FOXP1: variants seen among roughly 807,000 people sequenced by gnomAD.
FOXP1 encodes the protein forkhead box P1.
Under a neutral mutation model 98.2 loss-of-function variants are expected in FOXP1, and 15 were observed. The observed-to-expected ratio is 0.15, with a 90% CI of 0.10 to 0.24. The LOEUF (loss-of-function observed/expected upper bound fraction) is 0.24. Among genes scored for constraint, FOXP1 ranks in the 10% least tolerant of loss-of-function variants. The pLI is 1.00. For missense variants in FOXP1, 633 were observed against 848.5 expected (o/e 0.75, Z 3.15); for synonymous variants, 371 against 314.5 (o/e 1.18, Z -1.90).
intron 2 of FOXP1, among the ~76,000 whole-genome samples, chr3:71,566,949 C>T (rs1218033488): frequency 6.6e-6 from 1 of 152,122 alleles, no homozygotes; most frequent in Non-Finnish European, 1.5e-5. Context: ...GAATCAGTCT[C>T]TCCCTCACCT....
intron 7 of FOXP1, among the ~76,000 whole-genome samples, chr3:71,062,628 T>C (rs2051691605): frequency 6.6e-6 from 1 of 152,190 alleles, no homozygotes; most frequent in African/African-American, 2.4e-5. Flanking sequence ...AAATGTTTAA[T>C]AACACAACAC....
At chr3:71,044,260 C>A (rs565962694) in intron 10 of FOXP1, among the ~76,000 whole-genome samples, 1 of 152,062 alleles carries the variant, frequency 6.6e-6, no homozygotes, top group East Asian at 1.9e-4. Context: ...AATAATAGTA[C>A]GAAGTTAAAC....
intron 11 of FOXP1, among the ~76,000 whole-genome samples, chr3:71,033,682 G>A (rs1336634602): frequency 6.6e-6 from 1 of 150,996 alleles, no homozygotes; most frequent in Non-Finnish European, 1.5e-5. Flanking sequence ...TTTTCTCCCG[G>A]TGCCCTCCCT....
intron 7 of FOXP1, among the ~76,000 whole-genome samples, chr3:71,103,403 T>C (rs746649862): frequency 4.5e-4 from 68 of 152,250 alleles, no homozygotes; most frequent in Non-Finnish European, 8.2e-4. Flanking sequence ...CTTGTGATTT[T>C]AGAAGTGTAT....
chr3:71,348,635 TAA>T (rs781539312), intron 4 of FOXP1, among the ~76,000 whole-genome samples: 19 of 151,732 alleles, frequency 1.3e-4, no homozygotes, highest in Non-Finnish European at 2.4e-4. Flanking sequence ...CATGTGTGTA[TAA>T]GTCACACATG....
chr3:71,213,489 C>T (rs1210566001), intron 5 of FOXP1, among the ~76,000 whole-genome samples: 1 of 152,108 alleles, frequency 6.6e-6, no homozygotes, highest in Non-Finnish European at 1.5e-5. Context: ...TTTTAAGGCA[C>T]CCCTTCAATT....
At chr3:71,240,825 G>A (rs527605790) in intron 5 of FOXP1, among the ~76,000 whole-genome samples, 3 of 151,876 alleles carry the variant, frequency 2.0e-5, no homozygotes, top group South Asian at 2.1e-4. Context: ...GATTACAGGC[G>A]TGAGCCACAG....
intron 4 of FOXP1, among the ~76,000 whole-genome samples, chr3:71,356,329 C>A (rs1403483286): frequency 6.6e-6 from 1 of 151,486 alleles, no homozygotes; most frequent in Non-Finnish European, 1.5e-5. Flanking sequence ...CAGCTGTATA[C>A]ATAGCTGCAC....
At chr3:71,573,918 A>G (rs1476343746) in intron 2 of FOXP1, 2 of 152,238 alleles carry the variant, frequency 1.3e-5, no homozygotes, top group Non-Finnish European at 2.9e-5. Context: ...TCTTAATGAA[A>G]TGATTAACAT....
intron 19 of FOXP1, among the ~76,000 whole-genome samples, chr3:70,967,641 TTTTG>T (rs2035109630): frequency 1.3e-5 from 2 of 149,602 alleles, no homozygotes; most frequent in African/African-American, 2.5e-5. Context: ...CTTTCTTTCT[TTTTG>T]TTTTTTTTTT....
At chr3:71,401,326 C>G (rs535074799) in intron 3 of FOXP1, among the ~76,000 whole-genome samples, 3 of 152,080 alleles carry the variant, frequency 2.0e-5, no homozygotes, top group Non-Finnish European at 2.9e-5. Context: ...CTCTGGATGA[C>G]GGATCAAGAG....
chr3:71,100,163 T>C (rs980161273), intron 7 of FOXP1, among the ~76,000 whole-genome samples: 17 of 152,118 alleles, frequency 1.1e-4, no homozygotes, highest in African/African-American at 4.1e-4. Flanking sequence ...ACATACCTAA[T>C]CAATCGTGGC....
intron 2 of FOXP1, among the ~76,000 whole-genome samples, chr3:71,566,732 C>G (rs546429600): frequency 6.6e-6 from 1 of 152,296 alleles, no homozygotes; most frequent in South Asian, 2.1e-4. Context: ...AAAAAAAGCA[C>G]TGTGCCCTCC....
At chr3:71,063,420 C>T (rs2051822793) in intron 7 of FOXP1, among the ~76,000 whole-genome samples, 1 of 152,198 alleles carries the variant, frequency 6.6e-6, no homozygotes. Flanking sequence ...GATCATGTTC[C>T]AGCTCTTTGG....
At position 70,955,147 on chromosome 3, in the gene FOXP1, C is replaced by T. The variant is rs1306318408; in HGVS notation, c.*4100G>A. ...AAGATTCAAAATCTGAATAAGCACA[C>T]TCTTCTTTGTGCCTTTGGAAACGGA... On this transcript the variant is annotated 3_prime_UTR_variant, in exon 21 of 21. Coordinates refer to ENST00000649528, the MANE Select transcript of FOXP1 (RefSeq NM_001349338.3). 4.3e-6 allele frequency: 1 copy of T among 232,444 alleles called. No individual in the cohort carries two copies. Among genetic ancestry groups the T allele is most frequent in the Non-Finnish European group, 8.5e-6 (1 of 117,656 alleles). The allele number at this position is 232,444 out of a possible 1,614,324, so 14.4% of individuals were successfully genotyped here.
At chr3:70,981,663 G>C (rs905333363) in intron 14 of FOXP1, among the ~76,000 whole-genome samples, 2 of 152,192 alleles carry the variant, frequency 1.3e-5, no homozygotes, top group Non-Finnish European at 2.9e-5. Flanking sequence ...AGTTCCTAGA[G>C]GAAGAGGGTG....
At chr3:71,345,233 C>T (rs964475052) in intron 4 of FOXP1, among the ~76,000 whole-genome samples, 1 of 151,888 alleles carries the variant, frequency 6.6e-6, no homozygotes, top group Non-Finnish European at 1.5e-5. Flanking sequence ...ACTAAAAATA[C>T]AAAAATTCGC....
chr3:71,302,943 C>T (rs1353337661), intron 4 of FOXP1: 4 of 152,092 alleles, frequency 2.6e-5, no homozygotes, highest in Admixed American at 2.6e-4. Context: ...TCTAAAGAAC[C>T]CTCAGATTAT....
chr3:71,367,229 G>A (rs186851760), intron 3 of FOXP1, among the ~76,000 whole-genome samples: 4 of 152,208 alleles, frequency 2.6e-5, no homozygotes, highest in East Asian at 3.9e-4. Flanking sequence ...CTGCCTTTGC[G>A]CCTCCTCTCT....
Sources: allele counts gnomAD v4.1 joint callset (sites outside exome capture counted in the v4.1 genomes callset), GRCh38; gene constraint gnomAD v4.1.1; transcripts MANE v1.5; gene names NCBI Gene and HGNC (gene_info 2026-07-23, HGNC 2026-07-21).